SPIN2A: variants seen among roughly 807,000 people sequenced by gnomAD.
The protein encoded by SPIN2A is spindlin-2A.
In SPIN2A, 4 loss-of-function variants were observed where a neutral mutation model predicts 9.2. That is an observed-to-expected ratio of 0.44 (90% CI 0.21 to 1.00). SPIN2A has a LOEUF of 1.00. SPIN2A is among the 50% of genes least tolerant of loss of function. The probability of loss-of-function intolerance (pLI) is 0.26; values close to 1 mark genes in which losing one functional copy is unlikely to be tolerated. For synonymous variants in SPIN2A, 25 were observed against 61.2 expected (o/e 0.41, Z 2.76); for missense variants, 77 against 172.8 (o/e 0.45, Z 3.11).
upstream of SPIN2A, among the ~76,000 whole-genome samples, chrX:57,140,417 CAAAAAAAAAA>C (rs60570721): frequency 1.5e-5 from 1 of 64,830 alleles, no homozygotes; most frequent in Non-Finnish European, 2.8e-5. Context: ...CCATCTCTAC[CAAAAAAAAAA>C]AAAAAAAAAA....
At chrX:57,144,722 C>T in the SPIN2A span, among the ~76,000 whole-genome samples, 1 of 110,363 alleles carries the variant, frequency 9.1e-6, no homozygotes, top group Non-Finnish European at 1.9e-5. Flanking sequence ...ATTCTTCTGC[C>T]TTTATATCCT....
intron 1 of SPIN2A, chrX:57,137,013 C>T (rs751912260): frequency 1.8e-4 from 155 of 846,701 alleles, no homozygotes; most frequent in African/African-American, 1.3e-3. Context: ...TAACCACTTC[C>T]CTGTTACCTA....
At chrX:57,147,163 G>T in the SPIN2A span, among the ~76,000 whole-genome samples, 9 of 111,664 alleles carry the variant, frequency 8.1e-5, no homozygotes, top group Non-Finnish European at 1.7e-4. Context: ...ATGTCTGATA[G>T]AATTCAGCTG....
chrX:57,139,062 A>G (rs940254152), upstream of SPIN2A, among the ~76,000 whole-genome samples: 1 of 111,992 alleles, frequency 8.9e-6, no homozygotes. Context: ...TTTTTAGCTG[A>G]TGTGATTTCA....
chrX:57,137,389 G>T lies in SPIN2A; in HGVS notation c.-135C>A. Reference sequence around the variant, plus strand: ...GCGTGTGTAGGAGCGCGGCGAGACAGGCAAAGAGCACTGCAGCGGTGTCCC... The same window carrying T: ...GCGTGTGTAGGAGCGCGGCGAGACATGCAAAGAGCACTGCAGCGGTGTCCC... On this transcript the variant is annotated 5_prime_UTR_variant, in exon 1 of 2. In the 5' UTR this introduces an upstream ATG that the reference lacks. Transcript: ENST00000374906. 1 of 747,712 alleles carries T rather than the reference G, an allele frequency of 1.3e-6. No homozygotes were observed. Among genetic ancestry groups the T allele is most frequent in the Non-Finnish European group, 1.6e-6 (1 of 632,821 alleles). 61.6% of individuals were successfully genotyped at this position (747,712 alleles called of 1,213,427 possible). A position where few individuals can be genotyped will look rare whatever the true frequency, so the allele number is the denominator to read the frequency against.
chrX:57,143,290 T>G, the SPIN2A span, among the ~76,000 whole-genome samples: 3 of 110,792 alleles, frequency 2.7e-5, no homozygotes, highest in South Asian at 1.2e-3. Flanking sequence ...TTTTGCTTCA[T>G]GGATACGAGG....
In SPIN2A at chrX:57,135,927, C is replaced by T. The variant is rs1927699553; in HGVS notation, c.671G>A (p.Arg224Lys). ...VEYTKEDGSK[R>K]IGMVIHQVET... ...CACTTGGTGAATGACCATGCCGATC[C>T]TTTTGGAGCCATCTTCTTTGGTATA... Residue 224 changes from arginine (R) to lysine (K), a missense_variant, in exon 2 of 2, where the codon AGG (arginine) becomes AAG (lysine). This residue lies in a region of SPIN2A where 36 missense variants were observed against 47.6 expected (regional missense o/e 0.76). Coordinates refer to ENST00000374906, the MANE Select transcript of SPIN2A (RefSeq NM_019003.5). The T allele has an allele frequency of 1.7e-6, 2 of 1,210,072 alleles. No individual in the cohort carries two copies.
upstream of SPIN2A, among the ~76,000 whole-genome samples, chrX:57,140,747 A>G (rs1453947673): frequency 1.8e-5 from 2 of 111,992 alleles, no homozygotes; most frequent in African/African-American, 3.2e-5. Flanking sequence ...CAAATGCTGC[A>G]TGTTCTCACT....
chrX:57,145,319 G>C, the SPIN2A span, among the ~76,000 whole-genome samples: 1 of 110,802 alleles, frequency 9.0e-6, no homozygotes, highest in Non-Finnish European at 1.9e-5. Context: ...TGGTGATGTT[G>C]ATCATTTTTT....
chrX:57,138,030 C>T (rs774905646), upstream of SPIN2A, among the ~76,000 whole-genome samples: 3 of 111,817 alleles, frequency 2.7e-5, no homozygotes, highest in Non-Finnish European at 3.8e-5. Context: ...TACACACTCA[C>T]GAATACATAC....
At chrX:57,144,882 C>CTATA in the SPIN2A span, among the ~76,000 whole-genome samples, 3 of 103,599 alleles carry the variant, frequency 2.9e-5, no homozygotes, top group Non-Finnish European at 5.9e-5. Flanking sequence ...TAGTATTCCA[C>CTATA]TATATATATA....
Position 57,137,260 on chromosome X carries a change from C to T in SPIN2A, c.-6G>A. 1 of 762,032 alleles carries T rather than the reference C, an allele frequency of 1.3e-6. No individual in the cohort carries two copies. The highest frequency in any genetic ancestry group is 2.3e-5 in the African/African-American group (1 of 44,061). The allele number at this position is 762,032 out of a possible 1,213,427, so 62.8% of individuals were successfully genotyped here. Reference sequence around the variant, plus strand: ...GGCCTCACGTGCCGAAATCGGATACCTCGATGCTGCCTCTGCTGTGAGCCT... The same window carrying T: ...GGCCTCACGTGCCGAAATCGGATACTTCGATGCTGCCTCTGCTGTGAGCCT... On this transcript the variant is annotated splice_region_variant and 5_prime_UTR_variant, in exon 1 of 2. Coordinates refer to ENST00000374906, the MANE Select transcript of SPIN2A (RefSeq NM_019003.5).
chrX:57,134,606 T>C (rs1360977776), downstream of SPIN2A: 1 of 111,359 alleles, frequency 9.0e-6, no homozygotes, highest in East Asian at 2.8e-4. Context: ...GCAGAAGGAA[T>C]AGGAGTGATG....
chrX:57,135,283 T>A (rs1927653260), downstream of SPIN2A: 7 of 132,192 alleles, frequency 5.3e-5, no homozygotes, highest in South Asian at 1.6e-3. Flanking sequence ...TCCTCTCTAC[T>A]CAGTTTATTC....
chrX:57,134,607 A>C (rs1297968636), downstream of SPIN2A: 1 of 111,582 alleles, frequency 9.0e-6, no homozygotes, highest in East Asian at 2.8e-4. Context: ...CAGAAGGAAT[A>C]GGAGTGATGA....
Position 57,135,957 on chromosome X carries a change from A to G in SPIN2A, c.641T>C (p.Val214Ala). 2 of 1,209,811 alleles carry G rather than the reference A, an allele frequency of 1.7e-6. No individual in the cohort carries two copies. Among genetic ancestry groups the G allele is most frequent in the South Asian group, 1.8e-5 (1 of 56,761 alleles). ...GVVDGLIGKH[V>A]EYTKEDGSKR... is the part of the protein sequence containing the mutation. ...GGAGCCATCTTCTTTGGTATATTCCACATGCTTACCTATTAGGCCATCTAC... is the reference window on the plus strand; with the variant it reads ...GGAGCCATCTTCTTTGGTATATTCCGCATGCTTACCTATTAGGCCATCTAC... The change falls in exon 2 of 2, where the codon GTG (valine) becomes GCG (alanine). Residue 214 changes from valine (V) to alanine (A), a missense_variant. Val to Ala is a moderately conservative substitution (Grantham distance 64). Coordinates refer to ENST00000374906, the MANE Select transcript of SPIN2A (RefSeq NM_019003.5).
At chrX:57,137,488 G>T (rs755496102), upstream of SPIN2A, 15 of 253,793 alleles carry the variant, frequency 5.9e-5, no homozygotes, top group Non-Finnish European at 7.7e-5. Context: ...GCTGCCACCA[G>T]TCCCTGATGC....
the SPIN2A span, among the ~76,000 whole-genome samples, chrX:57,146,008 T>C: frequency 1.8e-5 from 2 of 110,526 alleles, no homozygotes; most frequent in African/African-American, 6.6e-5. Context: ...TCCAAATTTT[T>C]TTTTTTCTTT....
upstream of SPIN2A, among the ~76,000 whole-genome samples, chrX:57,141,134 T>G (rs1401984952): frequency 8.9e-6 from 1 of 112,080 alleles, no homozygotes; most frequent in African/African-American, 3.2e-5. Flanking sequence ...TTGTTGAGAG[T>G]TTTTTTCATG....
Sources: allele counts gnomAD v4.1 joint callset (sites outside exome capture counted in the v4.1 genomes callset), GRCh38; gene constraint gnomAD v4.1.1; regional missense constraint gnomAD v4.1.1; transcripts MANE v1.5; gene names NCBI Gene and HGNC (gene_info 2026-07-23, HGNC 2026-07-21).